Variants in PLEKHG1 observed in about 807,000 individuals in gnomAD.
The protein encoded by PLEKHG1 is pleckstrin homology domain-containing family G member 1.
A neutral mutation model predicts 100.8 loss-of-function variants in PLEKHG1; 44 were observed. That is an observed-to-expected ratio of 0.44 (90% confidence interval 0.34 to 0.56). The LOEUF is 0.56. Ranked by LOEUF, PLEKHG1 falls within the 20% of genes least tolerant of loss-of-function variation. The pLI, the probability that PLEKHG1 is intolerant of heterozygous loss-of-function variation, is 0.01. For missense variants in PLEKHG1, 1,545 were observed against 1,720.9 expected, an observed-to-expected ratio of 0.90 and a Z score of 1.81; for synonymous variants, 640 against 662.5, an observed-to-expected ratio of 0.97 and a Z score of 0.52.
intron 2 of PLEKHG1, among the ~76,000 whole-genome samples, chr6:150,764,607 C>T (rs1784363228): frequency 6.6e-6 from 1 of 152,236 alleles, no homozygotes; most frequent in African/African-American, 2.4e-5. Context: ...CAGCTGGTCT[C>T]AACCCTGACA....
intron 3 of PLEKHG1, among the ~76,000 whole-genome samples, chr6:150,696,787 C>T (rs971983313): frequency 2.0e-5 from 3 of 151,858 alleles, no homozygotes; most frequent in East Asian, 1.9e-4. Flanking sequence ...GACTGAATCC[C>T]CTGGTGGTGG....
At position 150,600,825 on chromosome 6, in the gene PLEKHG1, C is replaced by A. The variant is rs1041900586; in HGVS notation, c.-204+808C>A. The A allele has an allele frequency of 3.9e-5, 6 of 152,334 alleles. No homozygotes were observed. In the East Asian group the frequency reaches 7.7e-4, roughly 20 times the overall value. The allele number at this position is 152,334 out of a possible 1,614,324, so 9.4% of individuals were successfully genotyped here. On this transcript the variant is annotated intron_variant, in intron 1 of 3. Transcript: ENST00000367326. The surrounding 1 kb of genome is among the most constrained non-coding windows in gnomAD (Gnocchi z 6.2). The stretch of plus-strand genomic sequence containing the variant: ...CGGCGCTCGGCTGGTCAATTCATTC[C>A]GCTCCTCGGAAACAATGAGCTGGAT...
chr6:150,778,289 G>A (rs571982246), intron 3 of PLEKHG1, among the ~76,000 whole-genome samples: 52 of 152,108 alleles, frequency 3.4e-4, no homozygotes, highest in Non-Finnish European at 5.9e-4. Flanking sequence ...CATCACGCCT[G>A]GCTAATTTTT....
rs60462437 is a variant in PLEKHG1, at chr6:150,763,024, C to CTTTTTTTTTTTTTT, written c.412-5607_412-5594dup. Among the ~76,000 whole-genome samples, 111 of 76,492 alleles carry CTTTTTTTTTTTTTT rather than the reference C, an allele frequency of 1.5e-3. 11 individuals are homozygous for CTTTTTTTTTTTTTT. The highest frequency in any genetic ancestry group is 5.7e-3 in the African/African-American group (83 of 14,462). The allele number at this position is 76,492 out of a possible 152,430, so 50.2% of individuals were successfully genotyped here. A position where few individuals can be genotyped will look rare whatever the true frequency, so the allele number is the denominator to read the frequency against. On this transcript the variant is annotated intron_variant, in intron 2 of 15. Coordinates refer to ENST00000358517, the Ensembl canonical transcript of PLEKHG1. ...AGCACCAACAGGAGGGATAAAGCTT[C>CTTTTTTTTTTTTTT]TTTTTTTTTTTTTTTTTTTTGAGAC... is the stretch of plus-strand genomic sequence containing the variant.
rs1491038844 is a variant in PLEKHG1, at chr6:150,714,817, TTC to T, written c.-98-18765_-98-18764del. The stretch of plus-strand genomic sequence containing the variant: ...TATGTCTTTTGCTGACAGAATTTTT[TTC>T]TTTTTTTTTGAGACAGTCTCACTCT... On this transcript the variant is annotated intron_variant, in intron 3 of 3. Transcript: ENST00000367326. Among the ~76,000 whole-genome samples, 140 of 150,722 alleles carry T rather than the reference TTC, an allele frequency of 9.3e-4. 1 individual carries two copies. Among genetic ancestry groups the T allele is most frequent in the African/African-American group, 3.3e-3 (135 of 40,692 alleles).
intron 2 of PLEKHG1, among the ~76,000 whole-genome samples, chr6:150,748,280 A>T (rs1290924303): frequency 6.7e-6 from 1 of 150,372 alleles, no homozygotes; most frequent in East Asian, 2.0e-4. Context: ...TTATCCATTC[A>T]TCCATTGATG....
At chr6:150,757,964 T>C (rs1215509793) in intron 2 of PLEKHG1, among the ~76,000 whole-genome samples, 1 of 151,680 alleles carries the variant, frequency 6.6e-6, no homozygotes, top group Non-Finnish European at 1.5e-5. Context: ...TTTCTGTCCC[T>C]GAGTTAGGTT....
intron 1 of PLEKHG1, among the ~76,000 whole-genome samples, chr6:150,629,510 G>A (rs1439969122): frequency 6.6e-6 from 1 of 151,982 alleles, no homozygotes; most frequent in Non-Finnish European, 1.5e-5. Context: ...GCCCAGGCTG[G>A]AGTGCAGTGG....
intron 2 of PLEKHG1, among the ~76,000 whole-genome samples, chr6:150,765,485 C>T (rs1784411407): frequency 7.7e-6 from 1 of 130,688 alleles, no homozygotes; most frequent in African/African-American, 3.5e-5. Context: ...CAGAGTGAGA[C>T]TCTGTCTCAA....
At chr6:150,822,353 G>C (rs1276337601) in intron 13 of PLEKHG1, among the ~76,000 whole-genome samples, 1 of 152,166 alleles carries the variant, frequency 6.6e-6, no homozygotes, top group East Asian at 1.9e-4. Context: ...GTGGGAGTAA[G>C]TTTTTGCAAC....
intron 10 of PLEKHG1, among the ~76,000 whole-genome samples, chr6:150,813,404 T>C (rs1340311949): frequency 2.6e-5 from 4 of 151,072 alleles, no homozygotes; most frequent in African/African-American, 9.7e-5. Flanking sequence ...CATGAATCAG[T>C]GTGATGACGT....
intron 3 of PLEKHG1, among the ~76,000 whole-genome samples, chr6:150,710,904 C>T (rs938178998): frequency 1.2e-4 from 19 of 152,122 alleles, no homozygotes; most frequent in Admixed American, 9.8e-4. Flanking sequence ...CCCCTTTACA[C>T]GTTTCCATAG....
At chr6:150,688,776 A>G (rs1486791439) in intron 3 of PLEKHG1, among the ~76,000 whole-genome samples, 1 of 152,220 alleles carries the variant, frequency 6.6e-6, no homozygotes, top group Non-Finnish European at 1.5e-5. Flanking sequence ...TTTAAAAAAC[A>G]GTGTCTTGAG....
At chr6:150,826,444 T>G (rs1432236273) in intron 14 of PLEKHG1, among the ~76,000 whole-genome samples, 5 of 152,150 alleles carry the variant, frequency 3.3e-5, no homozygotes, top group African/African-American at 1.2e-4. Flanking sequence ...GGCAACAGGG[T>G]GAGACTCTGT....
chr6:150,757,239 G>A (rs994710364), intron 2 of PLEKHG1, among the ~76,000 whole-genome samples: 6 of 152,172 alleles, frequency 3.9e-5, no homozygotes, highest in Non-Finnish European at 5.9e-5. Context: ...GACCTCAGGT[G>A]ATCTGCCCTC....
intron 3 of PLEKHG1, chr6:150,651,839 A>T (rs1778758136): frequency 6.6e-6 from 1 of 152,098 alleles, no homozygotes; most frequent in Non-Finnish European, 1.5e-5. Context: ...AGCCTAGGGG[A>T]TAGAGTAAGA....
chr6:150,841,507 A>G (rs1048810067), exon 16 of PLEKHG1: 4 of 156,952 alleles, frequency 2.5e-5, no homozygotes, highest in African/African-American at 9.7e-5. Flanking sequence ...ATGTAGCGGG[A>G]CCCATTTTCT....
chr6:150,721,907 A>G (rs530134066), intron 1 of PLEKHG1, among the ~76,000 whole-genome samples: 108 of 152,314 alleles, frequency 7.1e-4, no homozygotes, highest in African/African-American at 2.5e-3. Flanking sequence ...GAATATAAAA[A>G]TTATTTTAAT....
At chr6:150,797,285 G>A (rs998640541) in intron 5 of PLEKHG1, among the ~76,000 whole-genome samples, 1 of 152,152 alleles carries the variant, frequency 6.6e-6, no homozygotes, top group Non-Finnish European at 1.5e-5. Flanking sequence ...AGCACGCTGA[G>A]CCCTGAGTGT....
Sources: allele counts gnomAD v4.1 joint callset (sites outside exome capture counted in the v4.1 genomes callset), GRCh38; gene constraint gnomAD v4.1.1; non-coding constraint Gnocchi (gnomAD v3.1); transcripts MANE v1.5; gene names NCBI Gene and HGNC (gene_info 2026-07-23, HGNC 2026-07-21).